GLS: variants seen among roughly 807,000 people sequenced by gnomAD.
GLS encodes the protein glutaminase kidney isoform, mitochondrial.
In GLS, 36 loss-of-function variants were observed where a neutral mutation model predicts 86.7. The ratio of observed to expected loss-of-function variants is 0.42; its 90% CI spans 0.32 to 0.55. GLS has a LOEUF of 0.55. Ranked by LOEUF, GLS falls within the 20% of genes least tolerant of loss-of-function variation. The probability of loss-of-function intolerance (pLI) is 0.17; values close to 1 mark genes in which losing one functional copy is unlikely to be tolerated. For synonymous variants in GLS, 317 were observed against 305.9 expected (o/e 1.04, Z -0.38); for missense variants, 528 against 833.4 (o/e 0.63, Z 4.51).
chr2:190,963,075 T>C lies in GLS; in HGVS notation c.*89T>C. The C allele has an allele frequency of 1.1e-6, 1 of 919,678 alleles. No individual in the cohort carries two copies. 57.0% of individuals were successfully genotyped at this position (919,678 alleles called of 1,614,324 possible). ...CATGTGTATTTCTATCTGGTAGTGA[T>C]GTATATTTTACATTTGTCATTTCAG... On this transcript the variant is annotated 3_prime_UTR_variant, in exon 18 of 18. Transcript: ENST00000320717.
In GLS at chr2:190,924,575, A is replaced by G. The variant is rs978390820; in HGVS notation, c.1230A>G (p.Ile410Met). The G allele has an allele frequency of 1.3e-6, 2 of 1,568,070 alleles. No homozygotes were observed. The highest frequency in any genetic ancestry group is 1.8e-6 in the Non-Finnish European group (2 of 1,138,192). The change falls in exon 11 of 18, where the codon ATA (isoleucine) becomes ATG (methionine). Residue 410 changes from isoleucine (I) to methionine (M), a missense_variant. This residue lies in a region of GLS where 163 missense variants were observed against 429.2 expected (regional missense o/e 0.38). Transcript: ENST00000320717. The surrounding 1 kb of genome is among the most constrained non-coding windows in gnomAD (Gnocchi z 5.2). ...CAGAAGGCACAGACATGGTTGGTATATTAGACTTCTACTTCCAGGTAATCT... is the reference window on the plus strand; with the variant it reads ...CAGAAGGCACAGACATGGTTGGTATGTTAGACTTCTACTTCCAGGTAATCT... ...CFPEGTDMVG[I>M]LDFYFQLCSI...
At position 190,949,985 on chromosome 2, in the gene GLS, TAACAA is replaced by T. The variant is rs151199806; in HGVS notation, c.1651-3579_1651-3575del. On this transcript the variant is annotated intron_variant, in intron 14 of 17. Transcript: ENST00000320717. This position sits in a 1 kb window ranked among gnomAD's most constrained non-coding sequence, Gnocchi z 4.0. Reference sequence around the variant, plus strand: ...CAAATATAGTTAAAAAGGATATAGTTAACAATACAATATATATATATATATGAAGG... The same window carrying T: ...CAAATATAGTTAAAAAGGATATAGTTTACAATATATATATATATATGAAGG... Among the ~76,000 whole-genome samples the T allele has an allele frequency of 0.018, 2,659 of 149,860 alleles. 87 individuals carry two copies. Among genetic ancestry groups the T allele is most frequent in the African/African-American group, 0.061 (2,485 of 40,810 alleles).
At position 190,938,198 on chromosome 2, in the gene GLS, G is replaced by A. The variant is rs1690330110; in HGVS notation, c.1650+6561G>A. ...AAAAATAATGGTATTTTTTCATTAG[G>A]TATTTACCTTGCTGAAACACTTTCA... On this transcript the variant is annotated intron_variant, in intron 14 of 17. Transcript: ENST00000320717. The surrounding 1 kb of genome is among the most constrained non-coding windows in gnomAD (Gnocchi z 4.1). Among the ~76,000 whole-genome samples the A allele has an allele frequency of 2.0e-5, 3 of 151,058 alleles. No individual in the cohort carries two copies. Among genetic ancestry groups the A allele is most frequent in the African/African-American group, 7.3e-5 (3 of 41,236 alleles).
rs746848816 is a variant in GLS, at chr2:190,881,209, G to A, written c.125G>A (p.Gly42Glu). ...VTLCRRPRGG[G>E]RPAAGPAAAA... is the part of the protein sequence containing the mutation. ...CTGTGCCGGCGTCCCCGAGGCGGGG[G>A]ACGGCCGGCCGCGGGCCCGGCTGCC... The change falls in exon 1 of 18, where the codon GGA (glycine) becomes GAA (glutamate). Residue 42 changes from glycine to glutamate, a missense_variant. Gly to Glu is a moderately conservative substitution (Grantham distance 98). Around this residue, in one of 4 missense-constraint regions of GLS, gnomAD observed 224 missense variants for 187.9 expected, o/e 1.19. Coordinates refer to ENST00000320717, the MANE Select transcript of GLS (RefSeq NM_014905.5). 45 of 1,255,850 alleles carry A rather than the reference G, an allele frequency of 3.6e-5. No individual in the cohort carries two copies. The Admixed American group carries it at 1.8e-3, about 50-fold the overall frequency. The allele number at this position is 1,255,850 out of a possible 1,614,324, so 77.8% of individuals were successfully genotyped here.
In GLS at chr2:190,895,328, TA is replaced by T. The variant is rs1227047989; in HGVS notation, c.483+83del. 1.5e-5 allele frequency: 9 copies of T among 619,340 alleles called. No homozygotes were observed. The African/African-American group carries it at 1.7e-4, about 11-fold the overall frequency. The allele number at this position is 619,340 out of a possible 1,614,324, so 38.4% of individuals were successfully genotyped here. A position where few individuals can be genotyped will look rare whatever the true frequency, so the allele number is the denominator to read the frequency against. Reference sequence around the variant, plus strand: ...ATACAGTATTATTGAAATATAGTCTTAAAGGTCGTCTGACATGTAGATTCTG... The same window carrying T: ...ATACAGTATTATTGAAATATAGTCTTAAGGTCGTCTGACATGTAGATTCTG... On this transcript the variant is annotated intron_variant, in intron 2 of 17. Transcript: ENST00000320717. This position sits in a 1 kb window ranked among gnomAD's most constrained non-coding sequence, Gnocchi z 4.2.
intron 17 of GLS, among the ~76,000 whole-genome samples, chr2:190,958,448 TGTC>T (rs542605024): frequency 1.6e-4 from 24 of 152,316 alleles, no homozygotes; most frequent in Admixed American, 3.3e-4. Context: ...AGTTAATTCC[TGTC>T]TTCTGCTGGC....
rs1689472285 is a variant in GLS at position 190,914,743 on chromosome 2, ACT to A, written c.1038+4425_1038+4426del. On this transcript the variant is annotated intron_variant, in intron 7 of 17. Coordinates refer to ENST00000320717, the MANE Select transcript of GLS (RefSeq NM_014905.5). The surrounding 1 kb of genome is among the most constrained non-coding windows in gnomAD (Gnocchi z 4.4). ...AATCAAGTGCGATACTTACAAAATA[ACT>A]CTGATGCATTGATTTTAAATGAGCC... Among the ~76,000 whole-genome samples the A allele has an allele frequency of 6.6e-6, 1 of 152,106 alleles. No homozygotes were observed.
In GLS at chr2:190,880,876, GC is replaced by G; in HGVS notation, c.-208del. The G allele has an allele frequency of 1.1e-5, 2 of 180,526 alleles. No homozygotes were observed. The highest frequency in any genetic ancestry group is 2.0e-4 in the South Asian group (2 of 10,130). 11.2% of individuals were successfully genotyped at this position (180,526 alleles called of 1,614,324 possible). A position where few individuals can be genotyped will look rare whatever the true frequency, so the allele number is the denominator to read the frequency against. On this transcript the variant is annotated 5_prime_UTR_variant, in exon 1 of 18. Transcript: ENST00000320717. The stretch of plus-strand genomic sequence containing the variant: ...CCGGTCGCGGCAATCCTAGCGCGCA[GC>G]AGCAGCAGCAGCAGCAGCAGCAGCA...
intron 14 of GLS, chr2:190,932,584 A>C (rs1558987250): frequency 3.4e-6 from 2 of 584,878 alleles, no homozygotes; most frequent in East Asian, 6.9e-5. Context: ...AGTAACATGA[A>C]GCAAAATGTC....
rs184654316 is a variant in GLS at position 190,929,919 on chromosome 2, C to T, written c.1426-518C>T. Among the ~76,000 whole-genome samples, 498 of 152,006 alleles carry T rather than the reference C, an allele frequency of 3.3e-3. 7 individuals carry two copies. Among genetic ancestry groups the T allele is most frequent in the African/African-American group, 0.012 (490 of 41,442 alleles). ...CTGGAGTGCAGTGGCATGATCTCAG[C>T]TCATTGCAATCTCTGCCTCCCGGGT... On this transcript the variant is annotated intron_variant, in intron 12 of 17. Coordinates refer to ENST00000320717, the MANE Select transcript of GLS (RefSeq NM_014905.5).
At chr2:190,958,028 G>A (rs1245358787) in intron 17 of GLS, among the ~76,000 whole-genome samples, 3 of 152,090 alleles carry the variant, frequency 2.0e-5, no homozygotes, top group South Asian at 2.1e-4. Context: ...CTGTGAATCC[G>A]TCTGGTCCTA....
rs994030062 is a variant in GLS, at chr2:190,913,730, C to T, written c.1038+3409C>T. 1 of 974,138 alleles carries T rather than the reference C, an allele frequency of 1.0e-6. No individual in the cohort carries two copies. The highest frequency in any genetic ancestry group is 1.8e-5 in the African/African-American group (1 of 57,030). 60.3% of individuals were successfully genotyped at this position (974,138 alleles called of 1,614,324 possible). ...ACAACATACTGCAAAATAATTGCCACACTTAATGCTTTTTCATGTTAGAAA... is the reference window on the plus strand; with the variant it reads ...ACAACATACTGCAAAATAATTGCCATACTTAATGCTTTTTCATGTTAGAAA... On this transcript the variant is annotated intron_variant, in intron 7 of 17. Transcript: ENST00000320717. This position sits in a 1 kb window ranked among gnomAD's most constrained non-coding sequence, Gnocchi z 6.1.
At chr2:190,927,249 A>G in intron 11 of GLS, 57 bp from the exon 12 acceptor site, 1 of 1,236,170 alleles carries the variant, frequency 8.1e-7, no homozygotes, top group South Asian at 1.4e-5. Context: ...AGATTATCTT[A>G]AAAGTGAACA....
chr2:190,906,662 C>G (rs1013436896), intron 6 of GLS, among the ~76,000 whole-genome samples: 1 of 152,138 alleles, frequency 6.6e-6, no homozygotes, highest in African/African-American at 2.4e-5. Context: ...CACTATATTA[C>G]ACCTTCCTGA....
In GLS at chr2:190,924,613, C is replaced by T. The variant is rs771645513; in HGVS notation, c.1248+20C>T. 6.1e-6 allele frequency: 8 copies of T among 1,318,276 alleles called. No individual in the cohort carries two copies. The highest frequency in any genetic ancestry group is 4.3e-5 in the African/African-American group (3 of 69,178). 81.7% of individuals were successfully genotyped at this position (1,318,276 alleles called of 1,614,324 possible). A position where few individuals can be genotyped will look rare whatever the true frequency, so the allele number is the denominator to read the frequency against. On this transcript the variant is annotated intron_variant, in intron 11 of 17. Transcript: ENST00000320717. The surrounding 1 kb of genome is among the most constrained non-coding windows in gnomAD (Gnocchi z 5.2). The stretch of plus-strand genomic sequence containing the variant: ...TTCCAGGTAATCTAATTATGTAAAT[C>T]GTATATATAAATGGATGTGTCGGCT...
At chr2:190,939,866 A>C (rs963252417) in intron 14 of GLS, among the ~76,000 whole-genome samples, 7 of 151,736 alleles carry the variant, frequency 4.6e-5, no homozygotes, top group South Asian at 2.1e-4. Context: ...TCCAAATTAA[A>C]GATTTTAGTT....
rs964708209 is a variant in GLS at position 190,947,302 on chromosome 2, T to C, written c.1651-6263T>C. Among the ~76,000 whole-genome samples the C allele has an allele frequency of 6.6e-6, 1 of 152,226 alleles. No individual in the cohort carries two copies. Among genetic ancestry groups the C allele is most frequent in the Non-Finnish European group, 1.5e-5 (1 of 68,034 alleles). On this transcript the variant is annotated intron_variant, in intron 14 of 17. Transcript: ENST00000320717. This position sits in a 1 kb window ranked among gnomAD's most constrained non-coding sequence, Gnocchi z 5.0. ...TTTTGGAAAAAAGTGAGATTTGCTA[T>C]GCCAAGCATGCCAGTGTTAAGTGAA...
rs146879696 is a variant in GLS at position 190,963,318 on chromosome 2, T to A, written c.*332T>A. 5.0e-6 allele frequency: 1 copy of A among 198,364 alleles called. No homozygotes were observed. The highest frequency in any genetic ancestry group is 1.0e-5 in the Non-Finnish European group (1 of 96,124). 12.3% of individuals were successfully genotyped at this position (198,364 alleles called of 1,614,324 possible). On this transcript the variant is annotated 3_prime_UTR_variant, in exon 18 of 18. Transcript: ENST00000320717. Reference sequence around the variant, plus strand: ...AATTTATGGTGATGATCTGCTGATATGCATTTATAAAGTAAGCTCTGTTGT... The same window carrying A: ...AATTTATGGTGATGATCTGCTGATAAGCATTTATAAAGTAAGCTCTGTTGT...
intron 14 of GLS, among the ~76,000 whole-genome samples, chr2:190,941,746 C>A (rs538964763): frequency 6.6e-6 from 1 of 151,820 alleles, no homozygotes; most frequent in African/African-American, 2.4e-5. Context: ...AAGGCAAATG[C>A]GCTGAAGAAG....
Sources: gnomAD v4.1 joint callset for allele counts (sites outside exome capture counted in the v4.1 genomes callset) on GRCh38, gnomAD v4.1.1 for gene constraint, gnomAD v4.1.1 regional missense constraint, Gnocchi (gnomAD v3.1) non-coding constraint, MANE v1.5 for transcripts, NCBI Gene and HGNC (gene_info 2026-07-23, HGNC 2026-07-21) for gene names.